Variants in RYR2 observed in about 807,000 individuals in gnomAD.
RYR2 encodes the protein ryanodine receptor 2.
RYR2 carries 227 observed loss-of-function variants against 601.1 expected under a neutral mutation model. The ratio of observed to expected loss-of-function variants is 0.38; its 90% CI spans 0.34 to 0.42. RYR2 has a LOEUF of 0.42. Ranked by LOEUF, RYR2 falls within the 10% of genes least tolerant of loss-of-function variation. The probability of loss-of-function intolerance (pLI) is 1.00; values close to 1 mark genes in which losing one functional copy is unlikely to be tolerated. For missense variants in RYR2, 4,646 were observed against 6,156.5 expected (o/e 0.75, Z 8.21); for synonymous variants, 2,223 against 2,175.1 (o/e 1.02, Z -0.61).
At chr1:237,273,633 G>C (rs763947460) in intron 2 of RYR2, among the ~76,000 whole-genome samples, 12 of 152,086 alleles carry the variant, frequency 7.9e-5, no homozygotes, top group Non-Finnish European at 1.8e-4. Context: ...AGTGGGTATA[G>C]TTTATAAAAA....
intron 2 of RYR2, among the ~76,000 whole-genome samples, chr1:237,292,773 G>T (rs1475839270): frequency 6.6e-6 from 1 of 152,102 alleles, no homozygotes; most frequent in Non-Finnish European, 1.5e-5. Context: ...AGTTTGTGTT[G>T]GGGGAAGGTA....
chr1:237,127,567 C>A (rs1418236719), intron 1 of RYR2, among the ~76,000 whole-genome samples: 9 of 149,022 alleles, frequency 6.0e-5, no homozygotes, highest in African/African-American at 2.2e-4. Flanking sequence ...GGGGGCTGAC[C>A]CCCCCCACCT....
intron 1 of RYR2, among the ~76,000 whole-genome samples, chr1:237,209,130 A>G (rs989164632): frequency 6.6e-6 from 1 of 150,712 alleles, no homozygotes; most frequent in Non-Finnish European, 1.5e-5. Flanking sequence ...TATGTGTAAC[A>G]GGATACATAT....
intron 27 of RYR2, among the ~76,000 whole-genome samples, chr1:237,563,031 T>A (rs557924884): frequency 2.6e-5 from 4 of 152,300 alleles, no homozygotes; most frequent in African/African-American, 9.6e-5. Flanking sequence ...TCACTTTGTA[T>A]TAGTATTTTA....
At chr1:237,807,510 C>A (rs770986758) in intron 99 of RYR2, among the ~76,000 whole-genome samples, 6 of 152,136 alleles carry the variant, frequency 3.9e-5, no homozygotes, top group Non-Finnish European at 8.8e-5. Flanking sequence ...TGCCACCATG[C>A]CCGGCTAATT....
chr1:237,371,313 G>A (rs1440934109), intron 6 of RYR2, among the ~76,000 whole-genome samples: 3 of 151,946 alleles, frequency 2.0e-5, no homozygotes, highest in Non-Finnish European at 4.4e-5. Flanking sequence ...GTGCTACCAC[G>A]CCTGGCTAAT....
intron 1 of RYR2, among the ~76,000 whole-genome samples, chr1:237,055,724 A>C (rs1661908589): frequency 6.6e-6 from 1 of 152,336 alleles, no homozygotes; most frequent in Non-Finnish European, 1.5e-5. Context: ...CTCCCTAAAA[A>C]GTATGTTGAC....
At chr1:237,265,478 C>T (rs938626759) in intron 1 of RYR2, among the ~76,000 whole-genome samples, 5 of 152,112 alleles carry the variant, frequency 3.3e-5, no homozygotes, top group African/African-American at 1.2e-4. Flanking sequence ...CACACTACCA[C>T]ACCCGGCTAA....
chr1:237,692,191 A>G (rs1383233692), intron 63 of RYR2, among the ~76,000 whole-genome samples: 1 of 152,210 alleles, frequency 6.6e-6, no homozygotes, highest in African/African-American at 2.4e-5. Flanking sequence ...TACTCATTTT[A>G]TGCATTCATT....
chr1:237,389,900 A>AGAGG (rs1454892310), intron 10 of RYR2, among the ~76,000 whole-genome samples: 1 of 152,116 alleles, frequency 6.6e-6, no homozygotes, highest in African/African-American at 2.4e-5. Flanking sequence ...CATCAGATGG[A>AGAGG]GAGGGAAGAG....
intron 95 of RYR2, 33 bp from the exon 96 acceptor site, chr1:237,795,256 T>C: frequency 9.6e-7 from 1 of 1,036,942 alleles, no homozygotes; most frequent in South Asian, 1.6e-5. Context: ...TTAAAAATAA[T>C]ACTATTTACT....
chr1:237,782,852 T>A (rs945492141), intron 89 of RYR2, among the ~76,000 whole-genome samples: 2 of 152,218 alleles, frequency 1.3e-5, no homozygotes, highest in African/African-American at 4.8e-5. Context: ...CCCAGGTTGC[T>A]GAGCACATTA....
intron 34 of RYR2, among the ~76,000 whole-genome samples, chr1:237,597,155 C>T (rs770668425): frequency 2.5e-4 from 38 of 152,108 alleles, no homozygotes; most frequent in Non-Finnish European, 4.3e-4. Flanking sequence ...ACCTCTAGTA[C>T]TCTAGTATGA....
At chr1:237,328,904 G>A (rs557334336) in intron 2 of RYR2, among the ~76,000 whole-genome samples, 6 of 152,168 alleles carry the variant, frequency 3.9e-5, no homozygotes, top group Middle Eastern at 3.4e-3. Flanking sequence ...TGAAGAAAGC[G>A]TAACTTGCTT....
chr1:237,801,915 A>G lies in RYR2; in HGVS notation c.14150A>G (p.Asn4717Ser). The G allele has an allele frequency of 6.3e-7, 1 of 1,580,952 alleles. No individual in the cohort carries two copies. The highest frequency in any genetic ancestry group is 8.7e-7 in the Non-Finnish European group (1 of 1,151,624). ...AAACTAGGAGTCGTTTTCACTGACAACGTAAGCCTACTTCATTATCACAAA... is the reference window on the plus strand; with the variant it reads ...AAACTAGGAGTCGTTTTCACTGACAGCGTAAGCCTACTTCATTATCACAAA... ...MWKLGVVFTD[N>S]SFLYLAWYMT... The change falls in exon 98 of 105, where the codon AAC (asparagine) becomes AGC (serine). Residue 4717 changes from asparagine (N) to serine (S), a missense_variant and splice_region_variant. Physicochemically the swap from Asn to Ser is conservative, Grantham distance 46. Around this residue, in one of 17 missense-constraint regions of RYR2, gnomAD observed 76 missense variants for 97.4 expected, o/e 0.78. Transcript: ENST00000366574.
intron 10 of RYR2, among the ~76,000 whole-genome samples, chr1:237,392,861 C>T (rs1003876122): frequency 6.6e-6 from 1 of 152,068 alleles, no homozygotes; most frequent in African/African-American, 2.4e-5. Context: ...TTTATTGATT[C>T]AATAAGAATG....
intron 24 of RYR2, among the ~76,000 whole-genome samples, chr1:237,516,244 G>A (rs1666535143): frequency 1.3e-5 from 2 of 152,082 alleles, no homozygotes; most frequent in South Asian, 4.1e-4. Context: ...CCGAGTAGCT[G>A]GGATTACAGG....
chr1:237,515,592 A>G (rs1375535693), intron 24 of RYR2, among the ~76,000 whole-genome samples: 1 of 151,234 alleles, frequency 6.6e-6, no homozygotes, highest in African/African-American at 2.4e-5. Flanking sequence ...TTAGTTTCTC[A>G]TACCTCTTTT....
chr1:237,273,637 A>T (rs920049078), intron 2 of RYR2, among the ~76,000 whole-genome samples: 2 of 152,176 alleles, frequency 1.3e-5, no homozygotes, highest in Non-Finnish European at 2.9e-5. Context: ...GGTATAGTTT[A>T]TAAAAATTCA....
Sources: gnomAD v4.1 joint callset for allele counts (sites outside exome capture counted in the v4.1 genomes callset) on GRCh38, gnomAD v4.1.1 for gene constraint, gnomAD v4.1.1 regional missense constraint, MANE v1.5 for transcripts, NCBI Gene and HGNC (gene_info 2026-07-23, HGNC 2026-07-21) for gene names.